SLIT3: variants seen among roughly 807,000 people sequenced by gnomAD.
The protein encoded by SLIT3 is slit guidance ligand 3.
A neutral mutation model predicts 184.0 loss-of-function variants in SLIT3; 68 were observed. The observed-to-expected ratio is 0.37, with a 90% CI of 0.30 to 0.45. SLIT3 has a LOEUF of 0.45. Ranked by LOEUF, SLIT3 falls within the 20% of genes least tolerant of loss-of-function variation. SLIT3 has a pLI of 1.00. For missense variants in SLIT3, 1,707 were observed against 2,026.0 expected (o/e 0.84, Z 3.02); for synonymous variants, 831 against 828.6 (o/e 1.00, Z -0.05).
chr5:168,934,945 C>G (rs1441503485), intron 4 of SLIT3, among the ~76,000 whole-genome samples: 1 of 146,848 alleles, frequency 6.8e-6, no homozygotes, highest in African/African-American at 2.5e-5. Flanking sequence ...CTGGCCAACA[C>G]GGTGAAACCC....
chr5:168,671,398 C>T lies in SLIT3; in HGVS notation c.3927G>A (p.Val1309=), dbSNP rs751115931. Residue 1309 remains valine, a synonymous_variant, in exon 34 of 36, where the codon GTG becomes GTA. Transcript: ENST00000519560. ...LGGFHGCIHE[V]RINNELQDFK... ...AGTCCTGCAGCTCGTTGTTGATGCG[C>T]ACCTCATGGATGCATCCGTGGAAGC... is the stretch of plus-strand genomic sequence containing the variant. The T allele has an allele frequency of 3.7e-6, 6 of 1,614,116 alleles. No individual in the cohort carries two copies. Among genetic ancestry groups the T allele is most frequent in the Non-Finnish European group, 3.4e-6 (4 of 1,180,012 alleles).
chr5:169,233,775 T>C (rs1444058277), intron 3 of SLIT3, among the ~76,000 whole-genome samples: 1 of 152,192 alleles, frequency 6.6e-6, no homozygotes, highest in African/African-American at 2.4e-5. Context: ...GTTCTGTGGT[T>C]TTTTGGCTCC....
chr5:169,203,351 G>GCACA (rs36206656), intron 3 of SLIT3, among the ~76,000 whole-genome samples: 22,697 of 147,360 alleles, frequency 0.15, 2,120 homozygotes, highest in Middle Eastern at 0.22. Flanking sequence ...ATGTGAATGT[G>GCACA]CACACACACA....
At chr5:168,801,610 A>G (rs1205005967) in intron 9 of SLIT3, among the ~76,000 whole-genome samples, 1 of 152,196 alleles carries the variant, frequency 6.6e-6, no homozygotes, top group Non-Finnish European at 1.5e-5. Context: ...CTAAAGACAG[A>G]TGGTCCCTCC....
chr5:169,025,601 T>C (rs1420605961), intron 4 of SLIT3, among the ~76,000 whole-genome samples: 1 of 152,166 alleles, frequency 6.6e-6, no homozygotes, highest in African/African-American at 2.4e-5. Context: ...AAAACTTGGA[T>C]CTCTGTGCTG....
chr5:168,918,849 C>A (rs928291809), intron 4 of SLIT3, among the ~76,000 whole-genome samples: 10 of 152,176 alleles, frequency 6.6e-5, no homozygotes, highest in Admixed American at 6.5e-4. Flanking sequence ...TTTCTGCAGA[C>A]ATACCAACTT....
At chr5:168,712,520 T>A (rs763005720) in intron 23 of SLIT3, 166 bp from the exon 24 acceptor site, 1 of 628,936 alleles carries the variant, frequency 1.6e-6, no homozygotes, top group Middle Eastern at 4.2e-4. Flanking sequence ...GAATGTTCTA[T>A]GCCCAGCTCA....
Position 168,755,291 on chromosome 5 carries a change from C to T in SLIT3, c.1686-1284G>A, listed in dbSNP as rs142885657. Among the ~76,000 whole-genome samples, 192 of 152,140 alleles carry T rather than the reference C, an allele frequency of 1.3e-3. 2 individuals carry two copies. Among genetic ancestry groups the T allele is most frequent in the Middle Eastern group, 0.01 (3 of 294 alleles). Reference sequence around the variant, plus strand: ...CCTCTTCTTTCATAAGTGAGTATTCCTTTGACTATGTGGATATTACTTCTT... The same window carrying T: ...CCTCTTCTTTCATAAGTGAGTATTCTTTTGACTATGTGGATATTACTTCTT... On this transcript the variant is annotated intron_variant, in intron 16 of 35. Coordinates refer to ENST00000519560, the MANE Select transcript of SLIT3 (RefSeq NM_003062.4).
chr5:169,283,675 A>G (rs1313976902), intron 1 of SLIT3, among the ~76,000 whole-genome samples: 1 of 152,240 alleles, frequency 6.6e-6, no homozygotes, highest in Admixed American at 6.5e-5. Flanking sequence ...TTTCACAGCC[A>G]CATGATGATC....
chr5:169,215,359 T>C (rs1306187877), intron 3 of SLIT3, among the ~76,000 whole-genome samples: 1 of 152,238 alleles, frequency 6.6e-6, no homozygotes, highest in Non-Finnish European at 1.5e-5. Flanking sequence ...GAAGTCTGTC[T>C]GATCCTCCTG....
chr5:168,851,757 T>C (rs1758687897), intron 5 of SLIT3, among the ~76,000 whole-genome samples: 1 of 152,240 alleles, frequency 6.6e-6, no homozygotes, highest in Non-Finnish European at 1.5e-5. Flanking sequence ...CGATGGCTGC[T>C]TACCCTGTTA....
intron 29 of SLIT3, among the ~76,000 whole-genome samples, chr5:168,688,676 A>AT (rs1761817950): frequency 6.6e-6 from 1 of 152,234 alleles, no homozygotes; most frequent in African/African-American, 2.4e-5. Context: ...TTTGAAATAC[A>AT]TAACCTATTG....
chr5:168,786,637 G>A (rs185340684), intron 11 of SLIT3, among the ~76,000 whole-genome samples: 2 of 152,136 alleles, frequency 1.3e-5, no homozygotes, highest in East Asian at 1.9e-4. Flanking sequence ...TTTCTCTTAC[G>A]GGCCTCCAGT....
chr5:169,266,567 T>A (rs561788399), intron 1 of SLIT3, among the ~76,000 whole-genome samples: 4 of 152,152 alleles, frequency 2.6e-5, no homozygotes, highest in African/African-American at 9.7e-5. Context: ...GCAGCCTGGG[T>A]TCCTAAGTGA....
rs145531834 is a variant in SLIT3 at position 169,185,032 on chromosome 5, C to T, written c.413+8447G>A. ...CTATGCTCAGCTGGACACATCCTAT[C>T]GGAGGAGAGAGACGACACCTCCCAG... On this transcript the variant is annotated intron_variant, in intron 4 of 35. Transcript: ENST00000519560. 9.5e-3 allele frequency among the ~76,000 whole-genome samples: 1,445 copies of T among 152,302 alleles called. 16 individuals carry two copies. The highest frequency in any genetic ancestry group is 0.015 in the Non-Finnish European group (1,012 of 68,028).
intron 23 of SLIT3, among the ~76,000 whole-genome samples, chr5:168,717,581 C>T (rs1762782012): frequency 6.6e-6 from 1 of 152,146 alleles, no homozygotes; most frequent in South Asian, 2.1e-4. Context: ...TTAAGCACAG[C>T]AACTAACCGG....
chr5:168,965,391 C>T (rs763938652), intron 4 of SLIT3, among the ~76,000 whole-genome samples: 1 of 152,162 alleles, frequency 6.6e-6, no homozygotes, highest in East Asian at 1.9e-4. Flanking sequence ...AGCTAAGGAG[C>T]AAACGTTCAG....
rs536505488 is a variant in SLIT3, at chr5:168,751,648, G to T, written c.1973+1307C>A. On this transcript the variant is annotated intron_variant, in intron 18 of 35. Transcript: ENST00000519560. ...CCTTCCCACGACAGCGCACTACCCG[G>T]GCAGGAGCACTCCTTTAGGTGCCCA... 5.9e-5 allele frequency among the ~76,000 whole-genome samples: 9 copies of T among 152,188 alleles called. 1 individual carries two copies. The South Asian group carries it at 1.9e-3, about 32-fold the overall frequency.
rs1365381694 is a variant in SLIT3 at position 169,245,387 on chromosome 5, C to A, written c.270-611G>T. Among the ~76,000 whole-genome samples, 6 of 152,132 alleles carry A rather than the reference C, an allele frequency of 3.9e-5. 1 individual carries two copies. ...AGCAGGTGATTACAAATCCTAAACACTCTGTATAAGTGAGTCTGGTTCACG... is the reference window on the plus strand; with the variant it reads ...AGCAGGTGATTACAAATCCTAAACAATCTGTATAAGTGAGTCTGGTTCACG... On this transcript the variant is annotated intron_variant, in intron 2 of 35. Transcript: ENST00000519560.
Sources: gnomAD v4.1 joint callset for allele counts (sites outside exome capture counted in the v4.1 genomes callset) on GRCh38, gnomAD v4.1.1 for gene constraint, MANE v1.5 for transcripts, NCBI Gene and HGNC (gene_info 2026-07-23, HGNC 2026-07-21) for gene names.